PHF2: variants seen among roughly 807,000 people sequenced by gnomAD.
PHF2 encodes the protein lysine-specific demethylase PHF2.
A neutral mutation model predicts 120.5 loss-of-function variants in PHF2; 27 were observed. That is an observed-to-expected ratio of 0.22 (90% CI 0.17 to 0.31). The LOEUF (loss-of-function observed/expected upper bound fraction) is 0.31, where lower values mean the gene tolerates loss of function less well. PHF2 is among the 10% of genes least tolerant of loss of function. The pLI is 1.00. For synonymous variants in PHF2, 568 were observed against 592.5 expected, an observed-to-expected ratio of 0.96 and a Z score of 0.60; for missense variants, 1,024 against 1,434.8, an observed-to-expected ratio of 0.71 and a Z score of 4.63.
chr9:93,661,054 C>G (rs532040557), intron 12 of PHF2, among the ~76,000 whole-genome samples: 3 of 152,210 alleles, frequency 2.0e-5, no homozygotes, highest in South Asian at 4.1e-4. Flanking sequence ...GGTGTCTGTG[C>G]AGAAACAACA....
intron 1 of PHF2, among the ~76,000 whole-genome samples, chr9:93,584,550 G>A (rs998875973): frequency 2.6e-5 from 4 of 152,150 alleles, no homozygotes; most frequent in Non-Finnish European, 4.4e-5. Context: ...TCTTTTGACC[G>A]TATACACAGG....
intron 20 of PHF2, 125 bp from the exon 21 acceptor site, chr9:93,676,469 T>A: frequency 8.3e-7 from 1 of 1,211,358 alleles, no homozygotes; most frequent in South Asian, 1.6e-5. Context: ...GAGTCAGGCC[T>A]CAGGCCCCTG....
chr9:93,596,766 T>C (rs13284452), intron 1 of PHF2, among the ~76,000 whole-genome samples: 1 of 151,364 alleles, frequency 6.6e-6, no homozygotes, highest in African/African-American at 2.4e-5. Context: ...TTTTGTTTTT[T>C]GTTTTTTGTT....
chr9:93,664,009 T>G (rs886120479), intron 14 of PHF2, among the ~76,000 whole-genome samples: 1 of 152,152 alleles, frequency 6.6e-6, no homozygotes, highest in Non-Finnish European at 1.5e-5. Flanking sequence ...CATGCCTGGG[T>G]GGGACTGGGC....
Position 93,660,180 on chromosome 9 carries a change from TC to T in PHF2, c.1330-11del. 6.5e-7 allele frequency: 1 copy of T among 1,533,670 alleles called. No homozygotes were observed. The highest frequency in any genetic ancestry group is 1.3e-5 in the South Asian group (1 of 76,232). ...AGAAGCAGCATGTGACCCTCTCCTT[TC>T]TGTATCCCAGAATGCCTCCAAAGCC... On this transcript the variant is annotated splice_polypyrimidine_tract_variant and intron_variant, in intron 11 of 21. Transcript: ENST00000359246.
intron 1 of PHF2, among the ~76,000 whole-genome samples, chr9:93,600,970 A>G (rs1285678921): frequency 6.6e-6 from 1 of 152,246 alleles, no homozygotes; most frequent in Non-Finnish European, 1.5e-5. Context: ...TTCTGGATTT[A>G]TAAATGTTAA....
intron 17 of PHF2, among the ~76,000 whole-genome samples, chr9:93,671,613 C>T (rs1242416333): frequency 7.3e-6 from 1 of 137,842 alleles, no homozygotes. Context: ...GGTGTAGATG[C>T]AGGTGTGGGT....
At position 93,615,306 on chromosome 9, in the gene PHF2, G is replaced by GCAA. The variant is rs1201618476; in HGVS notation, c.99-14664_99-14663insCAA. ...GTAATGATGGTGATGGTGATGATGT[G>GCAA]TGATAGTGATAGTGATGATGGTGAT... On this transcript the variant is annotated intron_variant, in intron 1 of 21. Transcript: ENST00000359246. Among the ~76,000 whole-genome samples the GCAA allele has an allele frequency of 3.3e-5, 5 of 150,132 alleles. No homozygotes were observed. The East Asian group carries it at 1.0e-3, about 30-fold the overall frequency.
At chr9:93,620,956 A>G (rs1227278932) in intron 1 of PHF2, among the ~76,000 whole-genome samples, 1 of 152,236 alleles carries the variant, frequency 6.6e-6, no homozygotes, top group African/African-American at 2.4e-5. Context: ...TGGAGCTTGC[A>G]CAATCGAAGC....
At chr9:93,670,428 C>T (rs961367902) in intron 17 of PHF2, among the ~76,000 whole-genome samples, 4 of 152,236 alleles carry the variant, frequency 2.6e-5, no homozygotes, top group Admixed American at 6.5e-5. Flanking sequence ...CTACATACAG[C>T]ATCTGGAGCC....
intron 1 of PHF2, among the ~76,000 whole-genome samples, chr9:93,608,901 A>T (rs1825588760): frequency 6.6e-6 from 1 of 151,608 alleles, no homozygotes; most frequent in South Asian, 2.1e-4. Flanking sequence ...TAAAGTGGTT[A>T]TTTGTGTAGT....
intron 1 of PHF2, among the ~76,000 whole-genome samples, chr9:93,615,016 ATGGTGATGG>A (rs1432526661): frequency 6.6e-6 from 1 of 151,276 alleles, no homozygotes; most frequent in African/African-American, 2.4e-5. Flanking sequence ...GATAGTAATG[ATGGTGATGG>A]TGATGATGGT....
At chr9:93,577,749 G>A (rs1160705093) in intron 1 of PHF2, among the ~76,000 whole-genome samples, 3 of 152,182 alleles carry the variant, frequency 2.0e-5, no homozygotes, top group Non-Finnish European at 2.9e-5. Flanking sequence ...GAAAACCCCC[G>A]CCCTCTTGGC....
At chr9:93,645,867 C>G (rs1826249490) in intron 4 of PHF2, 78 bp downstream of exon 4, 1 of 1,451,596 alleles carries the variant, frequency 6.9e-7, no homozygotes, top group African/African-American at 1.4e-5. Context: ...CATGCTGTTT[C>G]CCCACGCCCT....
At chr9:93,591,631 G>T (rs770120588) in intron 1 of PHF2, among the ~76,000 whole-genome samples, 1 of 152,196 alleles carries the variant, frequency 6.6e-6, no homozygotes, top group African/African-American at 2.4e-5. Flanking sequence ...CACTGTAACA[G>T]AATTCAGCTT....
chr9:93,649,937 A>G (rs1826335471), intron 5 of PHF2, among the ~76,000 whole-genome samples: 2 of 152,050 alleles, frequency 1.3e-5, no homozygotes, highest in African/African-American at 4.8e-5. Flanking sequence ...ACATTCATAG[A>G]CATGACACAC....
At chr9:93,619,026 C>T (rs1471628875) in intron 1 of PHF2, among the ~76,000 whole-genome samples, 1 of 142,740 alleles carries the variant, frequency 7.0e-6, no homozygotes, top group Non-Finnish European at 1.5e-5. Context: ...CAGGCAGCTG[C>T]CTGTCCTTGC....
intron 3 of PHF2, among the ~76,000 whole-genome samples, chr9:93,639,480 AG>A (rs1564390822): frequency 6.6e-6 from 1 of 152,158 alleles, no homozygotes; most frequent in Non-Finnish European, 1.5e-5. Flanking sequence ...AGGGTTCCTT[AG>A]TATTTTATAT....
At chr9:93,585,240 G>A (rs1028022845) in intron 1 of PHF2, among the ~76,000 whole-genome samples, 1 of 152,316 alleles carries the variant, frequency 6.6e-6, no homozygotes, top group Middle Eastern at 3.4e-3. Context: ...ATCAGATGTC[G>A]AACTAGGCGT....
Sources: allele counts gnomAD v4.1 joint callset (sites outside exome capture counted in the v4.1 genomes callset), GRCh38; gene constraint gnomAD v4.1.1; transcripts MANE v1.5; gene names NCBI Gene and HGNC (gene_info 2026-07-23, HGNC 2026-07-21).